The following FCHO1 variants were observed in gnomAD, a reference collection of about 807,000 sequenced individuals.
FCHO1 encodes FCH and mu domain containing endocytic adaptor 1.
A neutral mutation model predicts 114.4 loss-of-function variants in FCHO1; 45 were observed. That is an observed-to-expected ratio of 0.39 (90% confidence interval 0.31 to 0.50). The LOEUF (loss-of-function observed/expected upper bound fraction) is 0.50, where lower values mean the gene tolerates loss of function less well. FCHO1 is among the 20% of genes least tolerant of loss of function. FCHO1 has a pLI of 0.77. For synonymous variants in FCHO1, 480 were observed against 488.9 expected (o/e 0.98, Z 0.24); for missense variants, 1,042 against 1,209.6 (o/e 0.86, Z 2.06).
At chr19:17,748,912 T>C (rs147700470), upstream of FCHO1, among the ~76,000 whole-genome samples, 101 of 152,310 alleles carry the variant, frequency 6.6e-4, no homozygotes, top group East Asian at 0.015. Context: ...CAAGACAGCA[T>C]TGGGTTTGGA....
intron 11 of FCHO1, 77 bp downstream of exon 11, chr19:17,772,818 A>AT (rs201578137): frequency 1.7e-3 from 1,772 of 1,032,022 alleles, no homozygotes; most frequent in Non-Finnish European, 2.2e-3. Flanking sequence ...TGCCCAGCTA[A>AT]TTTTTTTTTT....
At position 17,776,807 on chromosome 19, in the gene FCHO1, G is replaced by T. The variant is rs376743754; in HGVS notation, c.1259+121G>T. 1.8e-5 allele frequency: 16 copies of T among 902,232 alleles called. No individual in the cohort carries two copies. In the South Asian group the frequency reaches 2.7e-4, roughly 15 times the overall value. The allele number at this position is 902,232 out of a possible 1,614,324, so 55.9% of individuals were successfully genotyped here. A position where few individuals can be genotyped will look rare whatever the true frequency, so the allele number is the denominator to read the frequency against. On this transcript the variant is annotated intron_variant, in intron 18 of 28. Coordinates refer to ENST00000596536, the MANE Select transcript of FCHO1 (RefSeq NM_015122.3). The surrounding 1 kb of genome is among the most constrained non-coding windows in gnomAD (Gnocchi z 4.4). ...GTTGACGTCATGCTGGGGTTTTTTT[G>T]TTTTTGTTTTTGTTTTGAGACAGAG...
chr19:17,783,221 A>G (rs760429684), intron 24 of FCHO1, 49 bp downstream of exon 24: 5 of 1,568,992 alleles, frequency 3.2e-6, no homozygotes, highest in Non-Finnish European at 4.3e-6. Flanking sequence ...GCTGGGGATC[A>G]GGCTTCCGGA....
rs148410831 is a variant in FCHO1, at chr19:17,776,099, G to A, written c.1120G>A (p.Glu374Lys). The change falls in exon 16 of 29, where the codon GAG becomes AAG. Residue 374 changes from glutamate to lysine, a missense_variant. Coordinates refer to ENST00000596536, the MANE Select transcript of FCHO1 (RefSeq NM_015122.3). The surrounding 1 kb of genome is among the most constrained non-coding windows in gnomAD (Gnocchi z 4.4). Reference protein sequence around the residue: ...APARAPACSPEAAAAQLRATA... With the variant: ...APARAPACSPKAAAAQLRATA... ...GGCCCGGGCTCCAGCCTGCAGCCCC[G>A]AGGCAGCAGCGGCACAGCTCAGGGC... is the stretch of plus-strand genomic sequence containing the variant. The A allele has an allele frequency of 9.0e-5, 145 of 1,612,488 alleles. No homozygotes were observed. Among genetic ancestry groups the A allele is most frequent in the African/African-American group, 2.9e-4 (22 of 74,906 alleles).
In FCHO1 at chr19:17,774,499, G is replaced by A. The variant is rs2287858; in HGVS notation, c.920+21G>A. On this transcript the variant is annotated intron_variant, in intron 13 of 28. Coordinates refer to ENST00000596536, the MANE Select transcript of FCHO1 (RefSeq NM_015122.3). ...GCTGTGTGAGGAAGCACCCCTGCCC[G>A]GTCTGGCCCAGGCTAGACCGAGATC... 700,195 of 1,601,306 alleles carry A rather than the reference G, an allele frequency of 0.44. 159,387 individuals are homozygous for A. Among genetic ancestry groups the A allele is most frequent in the East Asian group, 0.77 (34,463 of 44,796 alleles).
intron 7 of FCHO1, among the ~76,000 whole-genome samples, chr19:17,768,139 G>T (rs557180671): frequency 6.6e-6 from 1 of 152,248 alleles, no homozygotes; most frequent in African/African-American, 2.4e-5. Flanking sequence ...CACAATCTCA[G>T]CTCACTGCAA....
At chr19:17,781,114 T>C in intron 20 of FCHO1, 117 bp from the exon 21 acceptor site, 1 of 699,524 alleles carries the variant, frequency 1.4e-6, no homozygotes, top group South Asian at 1.7e-5. Context: ...TTCAGACCCA[T>C]TGGGGGTCTC....
chr19:17,781,598 G>A, intron 22 of FCHO1, 59 bp downstream of exon 22: 1 of 1,589,170 alleles, frequency 6.3e-7, no homozygotes, highest in Non-Finnish European at 8.6e-7. Context: ...CTCTGGTCTG[G>A]GTGGGTGGCT....
Position 17,784,550 on chromosome 19 carries a change from C to T in FCHO1, c.2227-175C>T, listed in dbSNP as rs537054641. Among the ~76,000 whole-genome samples the T allele has an allele frequency of 2.6e-5, 4 of 152,306 alleles. No homozygotes were observed. In the East Asian group the frequency reaches 7.7e-4, roughly 29 times the overall value. On this transcript the variant is annotated intron_variant, in intron 25 of 28. Coordinates refer to ENST00000596536, the MANE Select transcript of FCHO1 (RefSeq NM_015122.3). This position sits in a 1 kb window ranked among gnomAD's most constrained non-coding sequence, Gnocchi z 5.3. ...GACTTTGTTAGAATGAGGCGCTCTC[C>T]TGCCCCCTGCTGGAAACCTGGTGTA...
At chr19:17,761,549 A>C (rs1294131797) in intron 4 of FCHO1, among the ~76,000 whole-genome samples, 2 of 151,072 alleles carry the variant, frequency 1.3e-5, no homozygotes, top group Non-Finnish European at 2.9e-5. Context: ...CAGTTCTAGG[A>C]GTTTTTTGGT....
chr19:17,764,158 A>G (rs571002372), intron 5 of FCHO1, among the ~76,000 whole-genome samples: 17 of 152,118 alleles, frequency 1.1e-4, no homozygotes, highest in African/African-American at 2.4e-4. Flanking sequence ...TCATGCCTCA[A>G]CTTCCCCAGT....
intron 4 of FCHO1, among the ~76,000 whole-genome samples, chr19:17,758,261 A>C (rs1466521264): frequency 1.3e-5 from 2 of 151,854 alleles, no homozygotes; most frequent in African/African-American, 4.8e-5. Flanking sequence ...GGAGGGAGCA[A>C]CAGTGAAGTG....
rs2093388300 is a variant in FCHO1 at position 17,781,330 on chromosome 19, G to C, written c.1727G>C (p.Ser576Thr). ...AAGGTGTCCTGCCCTCTCACACGTA[G>C]CAATGGGGACCTGGTAGGTGAGGGG... ...SRKVSCPLTR[S>T]NGDLSRSLSP... The change falls in exon 21 of 29, where the codon AGC (serine) becomes ACC (threonine). Residue 576 changes from serine (S) to threonine (T), a missense_variant. By Grantham distance (58) the Ser-to-Thr change is moderately conservative. Around this residue, in one of 3 missense-constraint regions of FCHO1, gnomAD observed 455 missense variants for 455.4 expected, o/e 1.00. Coordinates refer to ENST00000596536, the MANE Select transcript of FCHO1 (RefSeq NM_015122.3). 1.2e-6 allele frequency: 2 copies of C among 1,613,816 alleles called. No homozygotes were observed. Among genetic ancestry groups the C allele is most frequent in the Middle Eastern group, 1.7e-4 (1 of 6,060 alleles).
intron 7 of FCHO1, among the ~76,000 whole-genome samples, chr19:17,767,827 T>C (rs917663264): frequency 3.3e-4 from 51 of 152,314 alleles, no homozygotes; most frequent in African/African-American, 1.2e-3. Context: ...ATCTGTCCCT[T>C]TACAGAAAAC....
chr19:17,776,788 G>C lies in FCHO1; in HGVS notation c.1259+102G>C. On this transcript the variant is annotated intron_variant, in intron 18 of 28. Transcript: ENST00000596536. This position sits in a 1 kb window ranked among gnomAD's most constrained non-coding sequence, Gnocchi z 4.4. ...TCTCTTGTCCCGGCTGGGAGTTGACGTCATGCTGGGGTTTTTTTGTTTTTG... is the reference window on the plus strand; with the variant it reads ...TCTCTTGTCCCGGCTGGGAGTTGACCTCATGCTGGGGTTTTTTTGTTTTTG... 8.9e-7 allele frequency: 1 copy of C among 1,117,452 alleles called. No homozygotes were observed. The highest frequency in any genetic ancestry group is 1.4e-5 in the South Asian group (1 of 73,542). The allele number at this position is 1,117,452 out of a possible 1,614,324, so 69.2% of individuals were successfully genotyped here. A position where few individuals can be genotyped will look rare whatever the true frequency, so the allele number is the denominator to read the frequency against.
chr19:17,762,912 A>G (rs2086917161), intron 5 of FCHO1, 59 bp downstream of exon 5: 21 of 1,170,196 alleles, frequency 1.8e-5, no homozygotes, highest in Non-Finnish European at 2.7e-5. Flanking sequence ...AGTCACGCCC[A>G]CCTAATGGCT....
chr19:17,748,434 G>A (rs2146044122), upstream of FCHO1, among the ~76,000 whole-genome samples: 1 of 152,080 alleles, frequency 6.6e-6, no homozygotes, highest in East Asian at 1.9e-4. Flanking sequence ...ATTTTGGGGA[G>A]GAGGTCACTG....
chr19:17,775,339 G>C lies in FCHO1; in HGVS notation c.946-117G>C, dbSNP rs2147106822. On this transcript the variant is annotated intron_variant, in intron 14 of 28. Transcript: ENST00000596536. This position sits in a 1 kb window ranked among gnomAD's most constrained non-coding sequence, Gnocchi z 5.1. ...CAGGGAAGACAGTCGTTGCCATCAG[G>C]GTTGGTTTTGAGGTCTGAGTCAAGG... The C allele has an allele frequency of 9.5e-7, 1 of 1,049,082 alleles. No individual in the cohort carries two copies. The highest frequency in any genetic ancestry group is 2.4e-5 in the East Asian group (1 of 42,146). The allele number at this position is 1,049,082 out of a possible 1,614,324, so 65.0% of individuals were successfully genotyped here. A position where few individuals can be genotyped will look rare whatever the true frequency, so the allele number is the denominator to read the frequency against.
chr19:17,779,315 G>C (rs751099948), intron 20 of FCHO1, among the ~76,000 whole-genome samples: 12 of 152,018 alleles, frequency 7.9e-5, no homozygotes, highest in Admixed American at 2.0e-4. Flanking sequence ...GCCCAGGGAG[G>C]GCTTGTGAAT....
Sources: gnomAD v4.1 joint callset for allele counts (sites outside exome capture counted in the v4.1 genomes callset) on GRCh38, gnomAD v4.1.1 for gene constraint, gnomAD v4.1.1 regional missense constraint, Gnocchi (gnomAD v3.1) non-coding constraint, MANE v1.5 for transcripts, NCBI Gene and HGNC (gene_info 2026-07-23, HGNC 2026-07-21) for gene names.